Variants in NR6A1 observed in about 807,000 individuals in gnomAD.
NR6A1 encodes the protein nuclear receptor subfamily 6 group A member 1, also known as retinoic acid receptor-related testis-associated receptor.
NR6A1 carries 7 observed loss-of-function variants against 59.1 expected under a neutral mutation model. The observed-to-expected ratio is 0.12, with a 90% CI of 0.07 to 0.22. The LOEUF (loss-of-function observed/expected upper bound fraction) is 0.22, where lower values mean the gene tolerates loss of function less well. Ranked by LOEUF, NR6A1 falls within the 10% of genes least tolerant of loss-of-function variation. The pLI, the probability that NR6A1 is intolerant of heterozygous loss-of-function variation, is 1.00. For missense variants in NR6A1, 468 were observed against 611.6 expected (o/e 0.77, Z 2.48); for synonymous variants, 243 against 236.1 (o/e 1.03, Z -0.27).
chr9:124,663,699 C>A (rs1458386975), intron 2 of NR6A1, among the ~76,000 whole-genome samples: 1 of 152,146 alleles, frequency 6.6e-6, no homozygotes, highest in Non-Finnish European at 1.5e-5. Flanking sequence ...TGGTTCATAG[C>A]ACAGGCCATT....
chr9:124,760,546 A>G, intron 1 of NR6A1, among the ~76,000 whole-genome samples: 1 of 152,124 alleles, frequency 6.6e-6, no homozygotes, highest in East Asian at 1.9e-4. Context: ...CCTACAGTCA[A>G]TTTCAGAAAT....
At chr9:124,697,795 A>T (rs1379780293) in intron 2 of NR6A1, among the ~76,000 whole-genome samples, 2 of 152,236 alleles carry the variant, frequency 1.3e-5, no homozygotes, top group Admixed American at 1.3e-4. Context: ...ATGAGGGTAA[A>T]AATCTCAGCT....
chr9:124,706,587 T>C (rs57937023), intron 2 of NR6A1, among the ~76,000 whole-genome samples: 3 of 151,996 alleles, frequency 2.0e-5, no homozygotes, highest in East Asian at 1.9e-4. Flanking sequence ...TCTTGGCTCA[T>C]TGCAACCTCC....
At chr9:124,593,519 T>C (rs980876311) in intron 2 of NR6A1, among the ~76,000 whole-genome samples, 6 of 152,188 alleles carry the variant, frequency 3.9e-5, no homozygotes, top group African/African-American at 1.2e-4. Flanking sequence ...CCCTCTCCAA[T>C]TCAATACAGT....
intron 1 of NR6A1, among the ~76,000 whole-genome samples, chr9:124,738,936 A>AG (rs1392105172): frequency 6.6e-6 from 1 of 151,640 alleles, no homozygotes; most frequent in African/African-American, 2.4e-5. Flanking sequence ...CGGGAGGCGG[A>AG]GGTTGCAGTG....
At position 124,554,322 on chromosome 9, in the gene NR6A1, A is replaced by G. The variant is rs1278933006; in HGVS notation, c.385+6T>C. 1.2e-6 allele frequency: 2 copies of G among 1,613,888 alleles called. No homozygotes were observed. The highest frequency in any genetic ancestry group is 2.7e-5 in the African/African-American group (2 of 74,928). ...ATGGGCCATCAGAGCCATCAGCACC[A>G]CTCACCCTTCCGGTTCATCCCCATC... On this transcript the variant is annotated splice_donor_region_variant and intron_variant, in intron 3 of 9. Coordinates refer to ENST00000487099, the MANE Select transcript of NR6A1 (RefSeq NM_033334.4).
chr9:124,741,377 T>A (rs1840168975), intron 1 of NR6A1, among the ~76,000 whole-genome samples: 1 of 152,250 alleles, frequency 6.6e-6, no homozygotes, highest in South Asian at 2.1e-4. Flanking sequence ...AATAGGTCCA[T>A]CAGCCTGCAA....
chr9:124,523,865 T>C (rs962226911), intron 9 of NR6A1, among the ~76,000 whole-genome samples: 6 of 152,222 alleles, frequency 3.9e-5, no homozygotes, highest in African/African-American at 1.4e-4. Context: ...TGCTGAATTT[T>C]ACAGGAAGAA....
chr9:124,734,616 C>T (rs572475868), intron 1 of NR6A1, among the ~76,000 whole-genome samples: 192 of 152,264 alleles, frequency 1.3e-3, no homozygotes, highest in Non-Finnish European at 2.2e-3. Flanking sequence ...TCTTTCGAGT[C>T]TGGGAGGTGG....
At chr9:124,733,130 A>C (rs1355270387) in intron 2 of NR6A1, among the ~76,000 whole-genome samples, 178 bp downstream of exon 2, 1 of 152,274 alleles carries the variant, frequency 6.6e-6, no homozygotes, top group Non-Finnish European at 1.5e-5. Flanking sequence ...GAATAATATC[A>C]GAAGAAAGCA....
intron 2 of NR6A1, among the ~76,000 whole-genome samples, chr9:124,611,716 T>A (rs6478671): frequency 0.5 from 74,539 of 147,620 alleles, 18,963 homozygotes; most frequent in Admixed American, 0.61. Context: ...ACCACTGTGC[T>A]CCAGGCCTGC....
intron 2 of NR6A1, among the ~76,000 whole-genome samples, chr9:124,625,089 C>T (rs1199802974): frequency 3.3e-5 from 5 of 152,100 alleles, no homozygotes; most frequent in Non-Finnish European, 7.4e-5. Flanking sequence ...TTCCAGAATT[C>T]CCCAGATGTC....
chr9:124,616,631 A>C (rs1252118369), intron 2 of NR6A1, among the ~76,000 whole-genome samples: 1 of 152,160 alleles, frequency 6.6e-6, no homozygotes, highest in African/African-American at 2.4e-5. Context: ...CACATATATT[A>C]GTATTTACAA....
At chr9:124,575,531 A>G (rs1284839650) in intron 2 of NR6A1, among the ~76,000 whole-genome samples, 1 of 152,172 alleles carries the variant, frequency 6.6e-6, no homozygotes, top group African/African-American at 2.4e-5. Flanking sequence ...CCGAGATCAC[A>G]CCACTGCCTT....
chr9:124,553,983 G>A (rs1041708916), intron 3 of NR6A1, among the ~76,000 whole-genome samples: 3 of 152,086 alleles, frequency 2.0e-5, no homozygotes, highest in Non-Finnish European at 2.9e-5. Context: ...ACCGCATTCA[G>A]CAATCTCCTA....
chr9:124,523,027 G>A (rs1433799002), intron 9 of NR6A1, among the ~76,000 whole-genome samples: 2 of 152,080 alleles, frequency 1.3e-5, no homozygotes, highest in African/African-American at 4.8e-5. Flanking sequence ...CTACTACTCA[G>A]GGAATACTTA....
intron 2 of NR6A1, among the ~76,000 whole-genome samples, chr9:124,697,490 A>G (rs954207679): frequency 1.3e-5 from 2 of 152,158 alleles, no homozygotes; most frequent in Non-Finnish European, 2.9e-5. Flanking sequence ...GTGATGTATA[A>G]GTAAAGACTT....
intron 1 of NR6A1, among the ~76,000 whole-genome samples, chr9:124,758,212 T>C (rs1476603579): frequency 6.6e-6 from 1 of 152,214 alleles, no homozygotes; most frequent in African/African-American, 2.4e-5. Context: ...CTGGTGCCAG[T>C]AAAATGATTG....
At chr9:124,543,290 C>A (rs1490236077) in intron 4 of NR6A1, among the ~76,000 whole-genome samples, 2 of 152,192 alleles carry the variant, frequency 1.3e-5, no homozygotes, top group Non-Finnish European at 2.9e-5. Flanking sequence ...TCTCACCTTA[C>A]TATGATGTCT....
Sources: allele counts gnomAD v4.1 joint callset (sites outside exome capture counted in the v4.1 genomes callset), GRCh38; gene constraint gnomAD v4.1.1; transcripts MANE v1.5; gene names NCBI Gene and HGNC (gene_info 2026-07-23, HGNC 2026-07-21).